ELAVL3: variants seen among roughly 807,000 people sequenced by gnomAD.
ELAVL3 encodes ELAV like RNA binding protein 3, also known as ELAV-like protein 3.
A neutral mutation model predicts 34.2 loss-of-function variants in ELAVL3; 8 were observed. That is an observed-to-expected ratio of 0.23 (90% confidence interval 0.14 to 0.42). The LOEUF is 0.42. Among genes scored for constraint, ELAVL3 ranks in the 10% least tolerant of loss-of-function variants. The probability of loss-of-function intolerance (pLI) is 1.00; values close to 1 mark genes in which losing one functional copy is unlikely to be tolerated. For missense variants in ELAVL3, 273 were observed against 518.8 expected, an observed-to-expected ratio of 0.53 and a Z score of 4.60; for synonymous variants, 209 against 222.1, an observed-to-expected ratio of 0.94 and a Z score of 0.53.
chr19:11,476,248 C>T (rs1175422126), intron 1 of ELAVL3, among the ~76,000 whole-genome samples: 1 of 152,098 alleles, frequency 6.6e-6, no homozygotes, highest in Non-Finnish European at 1.5e-5. Context: ...TTCCTTTCTC[C>T]ATTTAATACA....
chr19:11,458,320 C>T lies in ELAVL3; in HGVS notation c.488-34G>A. On this transcript the variant is annotated intron_variant, in intron 4 of 6. Coordinates refer to ENST00000359227, the MANE Select transcript of ELAVL3 (RefSeq NM_001420.4). The surrounding 1 kb of genome is among the most constrained non-coding windows in gnomAD (Gnocchi z 7.3). ...GGGCAGGGATGTCCATCACGACGAC[C>T]CTGTCCCCTCCTGTGTAACCCCACT... 1 of 1,610,064 alleles carries T rather than the reference C, an allele frequency of 6.2e-7. No homozygotes were observed. Among genetic ancestry groups the T allele is most frequent in the South Asian group, 1.1e-5 (1 of 90,938 alleles).
Position 11,467,220 on chromosome 19 carries a change from C to T in ELAVL3, c.10-393G>A, listed in dbSNP as rs555855163. Among the ~76,000 whole-genome samples the T allele has an allele frequency of 8.5e-5, 13 of 152,062 alleles. 1 individual carries two copies. The East Asian group carries it at 2.1e-3, about 25-fold the overall frequency. On this transcript the variant is annotated intron_variant, in intron 1 of 6. Transcript: ENST00000359227. ...GGCGGATCACCTGAGGTCGGGAGTT[C>T]GAGACCAGCCAGACCAACATGGAGA...
chr19:11,477,843 C>T (rs564223869), intron 1 of ELAVL3, among the ~76,000 whole-genome samples: 10 of 152,190 alleles, frequency 6.6e-5, no homozygotes, highest in East Asian at 3.9e-4. Flanking sequence ...TGTGCACCAT[C>T]GCGCCCCGCT....
chr19:11,463,667 CAAAT>C (rs1157526468), intron 3 of ELAVL3, among the ~76,000 whole-genome samples: 2 of 152,066 alleles, frequency 1.3e-5, no homozygotes, highest in Non-Finnish European at 1.5e-5. Flanking sequence ...ATGCACCTGT[CAAAT>C]AATAAGCACG....
Position 11,455,507 on chromosome 19 carries a change from G to C in ELAVL3, c.753-630C>G, listed in dbSNP as rs1320654488. Among the ~76,000 whole-genome samples the C allele has an allele frequency of 2.6e-5, 4 of 151,948 alleles. No homozygotes were observed. The East Asian group carries it at 7.7e-4, about 29-fold the overall frequency. ...TCTCCATGTTGATCAGGCTGGTCTCGAACTCCCGACCTCAGGTGATCCGCC... is the reference window on the plus strand; with the variant it reads ...TCTCCATGTTGATCAGGCTGGTCTCCAACTCCCGACCTCAGGTGATCCGCC... On this transcript the variant is annotated intron_variant, in intron 6 of 6. Transcript: ENST00000359227.
chr19:11,464,725 TCA>T (rs1281151620), intron 3 of ELAVL3, among the ~76,000 whole-genome samples: 3 of 43,042 alleles, frequency 7.0e-5, no homozygotes, highest in South Asian at 7.3e-4. Flanking sequence ...CACACACACA[TCA>T]CACACACACC....
At chr19:11,476,411 G>A (rs1180326127) in intron 1 of ELAVL3, among the ~76,000 whole-genome samples, 1 of 152,042 alleles carries the variant, frequency 6.6e-6, no homozygotes, top group Non-Finnish European at 1.5e-5. Flanking sequence ...GAGTGTGGTG[G>A]TGCATGCCTG....
At chr19:11,476,893 T>C (rs887786528) in intron 1 of ELAVL3, among the ~76,000 whole-genome samples, 5 of 151,690 alleles carry the variant, frequency 3.3e-5, no homozygotes, top group Non-Finnish European at 7.4e-5. Flanking sequence ...AGAAAGACTC[T>C]GTCTCAAAAA....
Position 11,454,695 on chromosome 19 carries a change from T to C in ELAVL3, c.935A>G (p.Asn312Ser). 2 of 1,614,172 alleles carry C rather than the reference T, an allele frequency of 1.2e-6. No individual in the cohort carries two copies. The highest frequency in any genetic ancestry group is 1.7e-6 in the Non-Finnish European group (2 of 1,180,000). Residue 312 changes from asparagine (N) to serine (S), a missense_variant, in exon 7 of 7, where the codon AAC becomes AGC. Coordinates refer to ENST00000359227, the MANE Select transcript of ELAVL3 (RefSeq NM_001420.4). This position sits in a 1 kb window ranked among gnomAD's most constrained non-coding sequence, Gnocchi z 9.2. ...QLFGPFGAVTNVKVIRDFTTN... is the reference protein window; with the variant it reads ...QLFGPFGAVTSVKVIRDFTTN... Reference sequence around the variant, plus strand: ...GGTGAAATCACGGATGACCTTGACGTTGGTGACTGCCCCAAAAGGCCCGAA... The same window carrying C: ...GGTGAAATCACGGATGACCTTGACGCTGGTGACTGCCCCAAAAGGCCCGAA...
In ELAVL3 at chr19:11,451,492, G is replaced by C. The variant is rs77049617; in HGVS notation, c.*3034C>G. On this transcript the variant is annotated 3_prime_UTR_variant, in exon 7 of 7. Coordinates refer to ENST00000359227, the MANE Select transcript of ELAVL3 (RefSeq NM_001420.4). Reference sequence around the variant, plus strand: ...TTTTTTTTTTTTTGTCTTTTGTTTTGTCTTTTTTTTTTTTTTTTTTTTTAC... The same window carrying C: ...TTTTTTTTTTTTTGTCTTTTGTTTTCTCTTTTTTTTTTTTTTTTTTTTTAC... 1.3e-5 allele frequency: 1 copy of C among 77,356 alleles called. No homozygotes were observed. The highest frequency in any genetic ancestry group is 2.7e-5 in the Non-Finnish European group (1 of 36,640). The allele number at this position is 77,356 out of a possible 1,614,324, so 4.8% of individuals were successfully genotyped here.
At position 11,461,009 on chromosome 19, in the gene ELAVL3, CA is replaced by C. The variant is rs535847241; in HGVS notation, c.334-2399del. 5.0e-3 allele frequency among the ~76,000 whole-genome samples: 446 copies of C among 89,822 alleles called. 1 individual carries two copies. The highest frequency in any genetic ancestry group is 0.017 in the East Asian group (38 of 2,286). 58.9% of individuals were successfully genotyped at this position (89,822 alleles called of 152,430 possible). On this transcript the variant is annotated intron_variant, in intron 3 of 6. Coordinates refer to ENST00000359227, the MANE Select transcript of ELAVL3 (RefSeq NM_001420.4). ...CCGTCCTCCACCGCCACAACCTCTA[CA>C]AAAAAAAAAAAAAAAAAAATTAGCT...
chr19:11,476,368 G>A (rs918530534), intron 1 of ELAVL3, among the ~76,000 whole-genome samples: 2 of 151,736 alleles, frequency 1.3e-5, no homozygotes, highest in Non-Finnish European at 2.9e-5. Flanking sequence ...GTGAGATCTT[G>A]TTTCCACCAA....
chr19:11,457,099 G>T lies in ELAVL3; in HGVS notation c.752+11C>A, dbSNP rs771422732. The T allele has an allele frequency of 6.6e-7, 1 of 1,515,916 alleles. No individual in the cohort carries two copies. Among genetic ancestry groups the T allele is most frequent in the Non-Finnish European group, 8.8e-7 (1 of 1,139,124 alleles). 93.9% of individuals were successfully genotyped at this position (1,515,916 alleles called of 1,614,324 possible). ...TGAGGGGTGGGGACAGTGGGGCGGG[G>T]TCACTGTTACCTCTTGACGCCGTAG... is the stretch of plus-strand genomic sequence containing the variant. On this transcript the variant is annotated intron_variant, in intron 6 of 6. Transcript: ENST00000359227.
At chr19:11,477,691 ATTTTTTT>A (rs963586249) in intron 1 of ELAVL3, among the ~76,000 whole-genome samples, 10 of 120,174 alleles carry the variant, frequency 8.3e-5, no homozygotes, top group Admixed American at 2.6e-4. Flanking sequence ...CTAGATCCCT[ATTTTTTT>A]TTTTTTTTTT....
Position 11,454,512 on chromosome 19 carries a change from C to T in ELAVL3, c.*14G>A. 6.4e-7 allele frequency: 1 copy of T among 1,567,690 alleles called. No homozygotes were observed. The highest frequency in any genetic ancestry group is 8.7e-7 in the Non-Finnish European group (1 of 1,155,828). On this transcript the variant is annotated 3_prime_UTR_variant, in exon 7 of 7. Transcript: ENST00000359227. This position sits in a 1 kb window ranked among gnomAD's most constrained non-coding sequence, Gnocchi z 9.2. Reference sequence around the variant, plus strand: ...GCTGCCCGGGGAGGGGGTGGGAGGGCAGGCGGGGTGGGCTCACGCCTTGTG... The same window carrying T: ...GCTGCCCGGGGAGGGGGTGGGAGGGTAGGCGGGGTGGGCTCACGCCTTGTG...
chr19:11,467,326 G>C (rs1396224934), intron 1 of ELAVL3, among the ~76,000 whole-genome samples: 1 of 151,860 alleles, frequency 6.6e-6, no homozygotes, highest in Non-Finnish European at 1.5e-5. Context: ...GGAGGCTGAG[G>C]CAGGAGAATT....
chr19:11,455,220 G>T (rs1369978215), intron 6 of ELAVL3, among the ~76,000 whole-genome samples: 1 of 151,696 alleles, frequency 6.6e-6, no homozygotes, highest in Non-Finnish European at 1.5e-5. Context: ...GGCTGGTCTC[G>T]AACTCTCAGG....
chr19:11,451,752 AAAAG>A lies in ELAVL3; in HGVS notation c.*2770_*2773del, dbSNP rs1405553198. On this transcript the variant is annotated 3_prime_UTR_variant, in exon 7 of 7. Transcript: ENST00000359227. Reference sequence around the variant, plus strand: ...GCTGGGCTGAGTTTTGTGTTTTAGAAAAAGAAGTCCCCTCCCAGTCTTGGGGGTG... The same window carrying A: ...GCTGGGCTGAGTTTTGTGTTTTAGAAAAGTCCCCTCCCAGTCTTGGGGGTG... 11 of 151,790 alleles carry A rather than the reference AAAAG, an allele frequency of 7.2e-5. No individual in the cohort carries two copies. The highest frequency in any genetic ancestry group is 1.0e-4 in the Non-Finnish European group (7 of 67,834). The allele number at this position is 151,790 out of a possible 1,614,324, so 9.4% of individuals were successfully genotyped here. A position where few individuals can be genotyped will look rare whatever the true frequency, so the allele number is the denominator to read the frequency against.
chr19:11,464,249 C>T (rs1010486739), intron 3 of ELAVL3, among the ~76,000 whole-genome samples: 3 of 150,814 alleles, frequency 2.0e-5, no homozygotes, highest in Non-Finnish European at 4.4e-5. Context: ...GTAGCCTCGC[C>T]GCCTCAGCTT....
Sources: gnomAD v4.1 joint callset for allele counts (sites outside exome capture counted in the v4.1 genomes callset) on GRCh38, gnomAD v4.1.1 for gene constraint, Gnocchi (gnomAD v3.1) non-coding constraint, MANE v1.5 for transcripts, NCBI Gene and HGNC (gene_info 2026-07-23, HGNC 2026-07-21) for gene names.